The following UNC5C variants were observed in gnomAD, a reference collection of about 807,000 sequenced individuals.
UNC5C encodes netrin receptor UNC5C.
UNC5C carries 47 observed loss-of-function variants against 99.8 expected under a neutral mutation model. The observed-to-expected ratio is 0.47, with a 90% confidence interval of 0.37 to 0.60. UNC5C has a LOEUF of 0.60. Ranked by LOEUF, UNC5C falls within the 20% of genes least tolerant of loss-of-function variation. The pLI, the probability that UNC5C is intolerant of heterozygous loss-of-function variation, is 0.00. For missense variants in UNC5C, 1,062 were observed against 1,165.9 expected (o/e 0.91, Z 1.30); for synonymous variants, 487 against 452.2 (o/e 1.08, Z -0.98).
intron 3 of UNC5C, among the ~76,000 whole-genome samples, chr4:95,299,398 A>C (rs1243267746): frequency 1.3e-5 from 2 of 152,210 alleles, no homozygotes; most frequent in African/African-American, 4.8e-5. Flanking sequence ...TGTTTAAGCC[A>C]TCCAATCCGT....
chr4:95,374,017 T>C (rs2626041), intron 1 of UNC5C, among the ~76,000 whole-genome samples: 95,733 of 151,326 alleles, frequency 0.63, 31,930 homozygotes, highest in African/African-American at 0.85. Context: ...TTAAATTACA[T>C]TATAAGCAAG....
chr4:95,497,868 A>T (rs1173208740), intron 1 of UNC5C, among the ~76,000 whole-genome samples: 5 of 151,958 alleles, frequency 3.3e-5, no homozygotes, highest in Non-Finnish European at 7.4e-5. Context: ...ATTGTCATTT[A>T]TTCCTCCCAA....
At chr4:95,180,830 C>T (rs1216581446) in intron 14 of UNC5C, among the ~76,000 whole-genome samples, 2 of 152,164 alleles carry the variant, frequency 1.3e-5, no homozygotes, top group Non-Finnish European at 2.9e-5. Flanking sequence ...GCCATCTTGC[C>T]CTGTGACCCT....
In UNC5C at chr4:95,324,227, C is replaced by G. The variant is rs188881055; in HGVS notation, c.346+11183G>C. ...GCTCTGCCTCCTGTCAGATCAGCAG[C>G]AGCATTAGATTCTCATAGGAGCACA... On this transcript the variant is annotated intron_variant, in intron 2 of 15. Transcript: ENST00000453304. Among the ~76,000 whole-genome samples, 210 of 152,150 alleles carry G rather than the reference C, an allele frequency of 1.4e-3. 1 individual carries two copies. Among genetic ancestry groups the G allele is most frequent in the African/African-American group, 4.8e-3 (200 of 41,522 alleles).
chr4:95,229,588 A>G (rs1037516261), intron 7 of UNC5C, among the ~76,000 whole-genome samples: 1 of 152,112 alleles, frequency 6.6e-6, no homozygotes, highest in African/African-American at 2.4e-5. Flanking sequence ...CAATAAACAT[A>G]TGTGCGCATG....
rs1266171751 is a variant in UNC5C at position 95,332,914 on chromosome 4, A to G, written c.346+2496T>C. Among the ~76,000 whole-genome samples, 3 of 152,218 alleles carry G rather than the reference A, an allele frequency of 2.0e-5. No individual in the cohort carries two copies. In the East Asian group the frequency reaches 5.8e-4, roughly 29 times the overall value. On this transcript the variant is annotated intron_variant, in intron 2 of 15. Transcript: ENST00000453304. ...CCCCATCAAAAAGTGGGCAAAGGAC[A>G]TGAACAGACACCTCTCAAAAGAAGA...
chr4:95,511,677 T>TATAGC (rs1722073322), intron 1 of UNC5C, among the ~76,000 whole-genome samples: 2 of 152,140 alleles, frequency 1.3e-5, no homozygotes, highest in Non-Finnish European at 2.9e-5. Flanking sequence ...GCAGCTTTCA[T>TATAGC]TTTAGCTAGG....
intron 14 of UNC5C, among the ~76,000 whole-genome samples, chr4:95,177,849 G>A (rs1164624082): frequency 4.0e-5 from 6 of 149,916 alleles, no homozygotes; most frequent in Non-Finnish European, 7.4e-5. Context: ...CTATCGGTGT[G>A]CACCATCACA....
In UNC5C at chr4:95,244,774, A is replaced by G. The variant is rs572891102; in HGVS notation, c.943+203T>C. On this transcript the variant is annotated intron_variant, in intron 6 of 15. Transcript: ENST00000453304. ...AGTGTTTAATCTCCTGTTTTGTACA[A>G]TTTTGCATGTTTTGGTAACAAAGTT... Among the ~76,000 whole-genome samples, 165 of 152,296 alleles carry G rather than the reference A, an allele frequency of 1.1e-3. 1 individual carries two copies. In the South Asian group the frequency reaches 0.033, roughly 31 times the overall value.
chr4:95,403,297 A>C (rs573717798), intron 1 of UNC5C, among the ~76,000 whole-genome samples: 168 of 152,338 alleles, frequency 1.1e-3, no homozygotes, highest in South Asian at 5.8e-3. Flanking sequence ...CAGCCTGAGC[A>C]AACTCATGTT....
chr4:95,448,343 C>T (rs183730454), intron 1 of UNC5C, among the ~76,000 whole-genome samples: 2 of 151,580 alleles, frequency 1.3e-5, no homozygotes, highest in Admixed American at 6.6e-5. Flanking sequence ...ATTTGAAAAG[C>T]GAAAACCTCA....
chr4:95,287,688 A>C (rs1741284977), intron 3 of UNC5C, among the ~76,000 whole-genome samples: 1 of 152,206 alleles, frequency 6.6e-6, no homozygotes. Context: ...AGCAGGGATT[A>C]ACAGGCAAGA....
chr4:95,167,712 G>C lies in UNC5C; in HGVS notation c.*1522C>G, dbSNP rs558542268. The C allele has an allele frequency of 2.0e-5, 3 of 152,326 alleles. No homozygotes were observed. The South Asian group carries it at 6.2e-4, about 32-fold the overall frequency. The allele number at this position is 152,326 out of a possible 1,614,324, so 9.4% of individuals were successfully genotyped here. On this transcript the variant is annotated 3_prime_UTR_variant, in exon 16 of 16. Coordinates refer to ENST00000453304, the MANE Select transcript of UNC5C (RefSeq NM_003728.4). Reference sequence around the variant, plus strand: ...TAATGCAATGATGCAGAGCGACTCAGGCCAAACAAACAACATCATAATGCT... The same window carrying C: ...TAATGCAATGATGCAGAGCGACTCACGCCAAACAAACAACATCATAATGCT...
intron 14 of UNC5C, among the ~76,000 whole-genome samples, chr4:95,171,616 A>G (rs1455399995): frequency 6.6e-6 from 1 of 151,516 alleles, no homozygotes; most frequent in Non-Finnish European, 1.5e-5. Flanking sequence ...TATGTGCCAC[A>G]TTTTCTTAAT....
At chr4:95,470,164 A>G (rs1747922520) in intron 1 of UNC5C, among the ~76,000 whole-genome samples, 1 of 152,094 alleles carries the variant, frequency 6.6e-6, no homozygotes, top group Non-Finnish European at 1.5e-5. Context: ...GTATGTATGT[A>G]TACTTTTTAC....
chr4:95,491,631 C>G (rs903838019), intron 1 of UNC5C, among the ~76,000 whole-genome samples: 5 of 151,506 alleles, frequency 3.3e-5, no homozygotes, highest in East Asian at 3.9e-4. Flanking sequence ...CTAGTAATTA[C>G]CACATCAGAT....
At chr4:95,253,791 T>C (rs1739847750) in intron 4 of UNC5C, among the ~76,000 whole-genome samples, 1 of 152,166 alleles carries the variant, frequency 6.6e-6, no homozygotes, top group South Asian at 2.1e-4. Context: ...ATCATCTCCA[T>C]GAAAGGCTCA....
chr4:95,350,786 T>A (rs371760828), intron 1 of UNC5C, among the ~76,000 whole-genome samples: 4 of 152,144 alleles, frequency 2.6e-5, no homozygotes, highest in Non-Finnish European at 5.9e-5. Context: ...TCTGTGATGG[T>A]CAATTATATG....
chr4:95,225,227 T>G (rs544021782), intron 7 of UNC5C, among the ~76,000 whole-genome samples: 3 of 152,290 alleles, frequency 2.0e-5, no homozygotes, highest in African/African-American at 7.2e-5. Flanking sequence ...CGGCTAATTT[T>G]GGTATTTTTA....
Sources: allele counts gnomAD v4.1 joint callset (sites outside exome capture counted in the v4.1 genomes callset), GRCh38; gene constraint gnomAD v4.1.1; transcripts MANE v1.5; gene names NCBI Gene and HGNC (gene_info 2026-07-23, HGNC 2026-07-21).